BBS9: variants seen among roughly 807,000 people sequenced by gnomAD.
The protein encoded by BBS9 is protein PTHB1.
Under a neutral mutation model 117.7 loss-of-function variants are expected in BBS9, and 89 were observed. That is an observed-to-expected ratio of 0.76 (90% CI 0.64 to 0.90). BBS9 has a LOEUF of 0.90. Ranked by LOEUF, BBS9 falls within the 40% of genes least tolerant of loss-of-function variation. The probability of loss-of-function intolerance (pLI) is 0.00; values close to 1 mark genes in which losing one functional copy is unlikely to be tolerated. For missense variants in BBS9, 982 were observed against 1,042.2 expected (o/e 0.94, Z 0.80); for synonymous variants, 379 against 370.9 (o/e 1.02, Z -0.25).
At chr7:33,142,188 T>C (rs970973604) in intron 1 of BBS9, among the ~76,000 whole-genome samples, 3 of 152,218 alleles carry the variant, frequency 2.0e-5, no homozygotes, top group Admixed American at 2.0e-4. Flanking sequence ...CCCAAAGTGC[T>C]GGGATTACAG....
At chr7:33,580,046 G>A (rs759248681) in intron 21 of BBS9, among the ~76,000 whole-genome samples, 10 of 151,892 alleles carry the variant, frequency 6.6e-5, no homozygotes, top group Non-Finnish European at 1.2e-4. Context: ...ACTTTTGTAT[G>A]CCTGGCATAT....
chr7:33,450,146 G>A (rs987118425), intron 19 of BBS9, among the ~76,000 whole-genome samples: 1 of 152,140 alleles, frequency 6.6e-6, no homozygotes, highest in Non-Finnish European at 1.5e-5. Context: ...TTTGTGACTG[G>A]TTTATTTCTC....
In BBS9 at chr7:33,367,832, C is replaced by G. The variant is rs746797123; in HGVS notation, c.1759C>G (p.Arg587Gly). The G allele has an allele frequency of 1.7e-5, 28 of 1,613,628 alleles. No homozygotes were observed. The highest frequency in any genetic ancestry group is 5.0e-5 in the Admixed American group (3 of 59,992). The change falls in exon 17 of 23, where the codon CGA becomes GGA. Residue 587 changes from arginine (R) to glycine (G), a missense_variant. Arg to Gly is a moderately radical substitution (Grantham distance 125). Transcript: ENST00000242067. ...VMGFHFLGGA[R>G]ITVLASKTSQ... ...GGGTTTTCACTTCTTAGGAGGTGCTCGAATTACTGTTCTTGCTTCCAAAAC... is the reference window on the plus strand; with the variant it reads ...GGGTTTTCACTTCTTAGGAGGTGCTGGAATTACTGTTCTTGCTTCCAAAAC...
intron 9 of BBS9, among the ~76,000 whole-genome samples, chr7:33,302,301 T>G (rs911851209): frequency 6.6e-6 from 1 of 152,170 alleles, no homozygotes; most frequent in Non-Finnish European, 1.5e-5. Flanking sequence ...ATTTGTCTAT[T>G]TCTGTTTTCG....
chr7:33,608,422 T>A (rs1403731159), downstream of BBS9, among the ~76,000 whole-genome samples: 1 of 152,104 alleles, frequency 6.6e-6, no homozygotes, highest in Non-Finnish European at 1.5e-5. Context: ...GATGACTAGG[T>A]GGAATGGTAG....
intron 19 of BBS9, among the ~76,000 whole-genome samples, chr7:33,477,300 C>A (rs1173488227): frequency 1.3e-5 from 2 of 152,132 alleles, no homozygotes; most frequent in Non-Finnish European, 2.9e-5. Context: ...TTGAGCCAGG[C>A]AGTCACTTTG....
intron 5 of BBS9, among the ~76,000 whole-genome samples, chr7:33,248,078 A>G (rs757321263): frequency 6.6e-6 from 1 of 152,216 alleles, no homozygotes; most frequent in African/African-American, 2.4e-5. Flanking sequence ...TCAAAAGACA[A>G]GTTCATAGGA....
At chr7:33,323,957 CCT>C (rs1812281643) in intron 9 of BBS9, among the ~76,000 whole-genome samples, 2 of 151,550 alleles carry the variant, frequency 1.3e-5, no homozygotes, top group African/African-American at 4.8e-5. Flanking sequence ...CCTGCGTCAG[CCT>C]CTCGAGCAGC....
At chr7:33,577,036 A>G (rs1223847231) in intron 21 of BBS9, among the ~76,000 whole-genome samples, 1 of 152,226 alleles carries the variant, frequency 6.6e-6, no homozygotes, top group Non-Finnish European at 1.5e-5. Context: ...TGGCAACAAA[A>G]GCCAAAATAG....
intron 19 of BBS9, among the ~76,000 whole-genome samples, chr7:33,448,446 A>G (rs1837308523): frequency 6.6e-6 from 1 of 152,166 alleles, no homozygotes; most frequent in Non-Finnish European, 1.5e-5. Context: ...TCCAGAACAA[A>G]GTCAGACAGA....
At chr7:33,500,968 GA>G (rs1485994071) in intron 19 of BBS9, among the ~76,000 whole-genome samples, 1 of 152,044 alleles carries the variant, frequency 6.6e-6, no homozygotes, top group Admixed American at 6.6e-5. Context: ...CCTTCAATTT[GA>G]AAAAACAAAA....
In BBS9 at chr7:33,628,270, T is replaced by TC. The variant is rs562488190; in HGVS notation, c.2522-6904dup. On this transcript the variant is annotated intron_variant, in intron 21 of 21. Coordinates refer to the BBS9 transcript ENST00000671952. ...AGAATAAAAAAACTAGAGACCAATG[T>TC]CCCTCATGAATACAGATGCAAAATA... Among the ~76,000 whole-genome samples the TC allele has an allele frequency of 1.8e-3, 274 of 152,102 alleles. 1 individual carries two copies. The highest frequency in any genetic ancestry group is 9.6e-3 in the South Asian group (46 of 4,802).
chr7:33,329,029 G>GTTTA (rs57055053), intron 9 of BBS9, among the ~76,000 whole-genome samples: 19 of 96,584 alleles, frequency 2.0e-4, no homozygotes, highest in Admixed American at 3.7e-4. Context: ...TTATTTATTT[G>GTTTA]TTTATTTAGA....
intron 6 of BBS9, among the ~76,000 whole-genome samples, chr7:33,258,330 T>C (rs1797425876): frequency 6.6e-6 from 1 of 152,354 alleles, no homozygotes; most frequent in East Asian, 1.9e-4. Flanking sequence ...GCAACAGATG[T>C]AAATTTTTGT....
chr7:33,247,249 A>C (rs73307398), intron 5 of BBS9, among the ~76,000 whole-genome samples: 17,210 of 152,180 alleles, frequency 0.11, 1,147 homozygotes, highest in African/African-American at 0.18. Context: ...GCTAGGTACT[A>C]GGCAGTATGT....
chr7:33,138,146 G>A (rs774334233), intron 1 of BBS9, among the ~76,000 whole-genome samples: 2 of 152,190 alleles, frequency 1.3e-5, no homozygotes, highest in African/African-American at 4.8e-5. Flanking sequence ...GACTAGAGAC[G>A]AGGGAGAGAG....
chr7:33,516,607 G>T (rs1585090650), intron 20 of BBS9, among the ~76,000 whole-genome samples: 4 of 152,018 alleles, frequency 2.6e-5, no homozygotes, highest in African/African-American at 7.3e-5. Context: ...TTGAATTGGG[G>T]ACAGGAAGTT....
intron 9 of BBS9, among the ~76,000 whole-genome samples, chr7:33,287,639 A>G (rs1446134170): frequency 6.6e-6 from 1 of 152,158 alleles, no homozygotes; most frequent in Non-Finnish European, 1.5e-5. Context: ...TCCTGCCTTT[A>G]AATAGAGAAA....
In BBS9 at chr7:33,623,892, TGAG is replaced by T. The variant is rs531284353; in HGVS notation, c.2522-11281_2522-11279del. Among the ~76,000 whole-genome samples the T allele has an allele frequency of 1.7e-4, 26 of 152,222 alleles. 1 individual carries two copies. The East Asian group carries it at 5.0e-3, about 29-fold the overall frequency. ...TAAATTGAGGTTACTTCTTGGAAGT[TGAG>T]GAGAGAGAAAATACCACTGGGGAGG... On this transcript the variant is annotated intron_variant, in intron 21 of 21. Transcript: ENST00000671952.
Sources: gnomAD v4.1 joint callset for allele counts (sites outside exome capture counted in the v4.1 genomes callset) on GRCh38, gnomAD v4.1.1 for gene constraint, MANE v1.5 for transcripts, NCBI Gene and HGNC (gene_info 2026-07-23, HGNC 2026-07-21) for gene names.